MRPL37: variants seen among roughly 807,000 people sequenced by gnomAD.
The protein encoded by MRPL37 is mitochondrial ribosomal protein L37.
In MRPL37, 34 loss-of-function variants were observed where a neutral mutation model predicts 44.1. That is an observed-to-expected ratio of 0.77 (90% CI 0.59 to 1.03). The LOEUF (loss-of-function observed/expected upper bound fraction) is 1.03. Ranked by LOEUF, MRPL37 falls within the 50% of genes least tolerant of loss-of-function variation. The pLI is 0.00. For missense variants in MRPL37, 532 were observed against 543.7 expected (o/e 0.98, Z 0.21); for synonymous variants, 212 against 219.5 (o/e 0.97, Z 0.30).
intron 1 of MRPL37, among the ~76,000 whole-genome samples, chr1:54,200,876 C>T (rs1164580069): frequency 6.6e-6 from 1 of 152,218 alleles, no homozygotes; most frequent in Admixed American, 6.5e-5. Context: ...GGCTGGCCAT[C>T]CTGGGCCTCT....
chr1:54,204,916 C>A, intron 1 of MRPL37, 102 bp from the exon 2 acceptor site: 2 of 1,357,648 alleles, frequency 1.5e-6, no homozygotes, highest in South Asian at 1.4e-5. Context: ...CAGTTTCTCA[C>A]TTGAGGCAGC....
At chr1:54,215,110 A>G (rs1644188757) in intron 5 of MRPL37, among the ~76,000 whole-genome samples, 1 of 152,192 alleles carries the variant, frequency 6.6e-6, no homozygotes, top group Non-Finnish European at 1.5e-5. Flanking sequence ...GATTGCTGCA[A>G]AGTCTCAGCA....
chr1:54,218,431 T>C, downstream of MRPL37: 1 of 1,439,232 alleles, frequency 6.9e-7, no homozygotes, highest in African/African-American at 1.4e-5. Flanking sequence ...CCCACACAAG[T>C]CCAAGCCCTG....
At chr1:54,223,725 C>A (rs772808017), downstream of MRPL37, among the ~76,000 whole-genome samples, 1 of 152,184 alleles carries the variant, frequency 6.6e-6, no homozygotes, top group African/African-American at 2.4e-5. Context: ...TGTGGTCTGG[C>A]CCCCGACTCC....
Position 54,200,355 on chromosome 1 carries a change from A to C in MRPL37, c.112A>C (p.Thr38Pro), listed in dbSNP as rs758617382. Residue 38 changes from threonine to proline, a missense_variant, in exon 1 of 7, where the codon ACG (threonine) becomes CCG (proline). Transcript: ENST00000360840. Reference sequence around the variant, plus strand: ...GGCGTATGAGTGGGGCGTGCGCTCCACGCGGAAGTCGGAGCCTCCTCCCCT... The same window carrying C: ...GGCGTATGAGTGGGGCGTGCGCTCCCCGCGGAAGTCGGAGCCTCCTCCCCT... ...RGAYEWGVRS[T>P]RKSEPPPLDR... The C allele has an allele frequency of 6.2e-7, 1 of 1,614,012 alleles. No homozygotes were observed. The highest frequency in any genetic ancestry group is 1.3e-5 in the African/African-American group (1 of 74,946).
At chr1:54,220,831 T>C (rs373209247), downstream of MRPL37, 3 of 467,872 alleles carry the variant, frequency 6.4e-6, no homozygotes, top group East Asian at 2.1e-4. Context: ...CGAGAGGAAC[T>C]TCCAGCAGCA....
intron 3 of MRPL37, among the ~76,000 whole-genome samples, chr1:54,209,277 G>A (rs567109905): frequency 1.3e-5 from 2 of 152,202 alleles, no homozygotes; most frequent in African/African-American, 4.8e-5. Flanking sequence ...TTACTAGGAA[G>A]GGAACACAGG....
chr1:54,222,019 G>A (rs947259709), downstream of MRPL37, among the ~76,000 whole-genome samples: 10 of 152,218 alleles, frequency 6.6e-5, no homozygotes, highest in African/African-American at 2.2e-4. Context: ...ACACCTGGGC[G>A]CCTACCCACC....
downstream of MRPL37, among the ~76,000 whole-genome samples, chr1:54,223,083 C>T (rs896613577): frequency 6.6e-6 from 1 of 152,238 alleles, no homozygotes; most frequent in Non-Finnish European, 1.5e-5. Context: ...GGTTCTGCGG[C>T]TCCGCAGGCA....
downstream of MRPL37, among the ~76,000 whole-genome samples, chr1:54,219,797 C>T (rs1204546159): frequency 6.6e-6 from 1 of 152,232 alleles, no homozygotes; most frequent in Non-Finnish European, 1.5e-5. Flanking sequence ...ATATACATGA[C>T]TGAAGAGTCA....
chr1:54,211,273 C>G (rs1206942708), intron 4 of MRPL37, among the ~76,000 whole-genome samples: 1 of 152,146 alleles, frequency 6.6e-6, no homozygotes, highest in Non-Finnish European at 1.5e-5. Flanking sequence ...CAGATATGGT[C>G]AGTTTTCCTG....
intron 4 of MRPL37, among the ~76,000 whole-genome samples, chr1:54,212,186 G>T (rs1205826809): frequency 6.6e-6 from 1 of 152,222 alleles, no homozygotes; most frequent in East Asian, 1.9e-4. Flanking sequence ...GGCATTTTCT[G>T]TGAAGAGTCA....
downstream of MRPL37, chr1:54,221,035 C>A: frequency 5.6e-6 from 2 of 355,526 alleles, no homozygotes; most frequent in South Asian, 4.3e-5. Flanking sequence ...CTGTCAGATC[C>A]TCCACTTCCT....
At chr1:54,203,982 CTG>C (rs1644103504) in intron 1 of MRPL37, among the ~76,000 whole-genome samples, 1 of 152,202 alleles carries the variant, frequency 6.6e-6, no homozygotes, top group African/African-American at 2.4e-5. Context: ...GTGAGAGAGA[CTG>C]TGACCCAGAA....
rs1256552701 is a variant in MRPL37 at position 54,200,292 on chromosome 1, C to T, written c.49C>T (p.Gln17Ter). Residue 17 changes from glutamine (Q) to a stop codon, truncating the protein, a stop_gained, in exon 1 of 7, where the codon CAG becomes TAG. Coordinates refer to ENST00000360840, the MANE Select transcript of MRPL37 (RefSeq NM_016491.4). LOFTEE classifies it high-confidence loss of function. ...AAGGCGGGCGCTAGCTGGCTCCGGG[C>T]AGCTCGGCCTTGGGGGCTTCGGGGC... The part of the protein sequence containing the change: ...PARRALAGSG[Q>*]LGLGGFGAPR... 1.2e-6 allele frequency: 2 copies of T among 1,609,292 alleles called. No individual in the cohort carries two copies. The highest frequency in any genetic ancestry group is 1.7e-6 in the Non-Finnish European group (2 of 1,178,128).
rs751533561 is a variant in MRPL37 at position 54,218,269 on chromosome 1, C to T, written c.*20C>T. 28 of 1,614,032 alleles carry T rather than the reference C, an allele frequency of 1.7e-5. No homozygotes were observed. The highest frequency in any genetic ancestry group is 2.1e-5 in the Non-Finnish European group (25 of 1,180,034). ...GCGTGAGCGGAGGACCCCTCTGAATCCTGAAACCCCTCTTGCCTCTCTTCC... is the reference window on the plus strand; with the variant it reads ...GCGTGAGCGGAGGACCCCTCTGAATTCTGAAACCCCTCTTGCCTCTCTTCC... On this transcript the variant is annotated 3_prime_UTR_variant, in exon 7 of 7. Coordinates refer to ENST00000360840, the MANE Select transcript of MRPL37 (RefSeq NM_016491.4).
intron 1 of MRPL37, among the ~76,000 whole-genome samples, chr1:54,204,684 A>C (rs2100502264): frequency 6.6e-6 from 1 of 152,290 alleles, no homozygotes; most frequent in South Asian, 2.1e-4. Context: ...TCAATTTAGT[A>C]CCATAGCCTA....
intron 5 of MRPL37, among the ~76,000 whole-genome samples, chr1:54,213,126 G>A (rs1360145875): frequency 6.6e-6 from 1 of 152,200 alleles, no homozygotes; most frequent in Non-Finnish European, 1.5e-5. Flanking sequence ...AACTCAGGAT[G>A]GGTGCTGGGG....
Position 54,200,533 on chromosome 1 carries a change from C to A in MRPL37, c.290C>A (p.Pro97Gln). ...FYRSPPLHEH[P>Q]LYKDQACYIF... is the part of the protein sequence containing the mutation. ...CGCTCGCCCCCTCTTCACGAGCATC[C>A]GCTGTACAAAGACCAGGCCTGCTAT... The change falls in exon 1 of 7, where the codon CCG (proline) becomes CAG (glutamine). Residue 97 changes from proline (P) to glutamine (Q), a missense_variant. Physicochemically the swap from Pro to Gln is moderately conservative, Grantham distance 76. Transcript: ENST00000360840. 6.2e-7 allele frequency: 1 copy of A among 1,613,890 alleles called. No homozygotes were observed.
Sources: allele counts gnomAD v4.1 joint callset (sites outside exome capture counted in the v4.1 genomes callset), GRCh38; gene constraint gnomAD v4.1.1; transcripts MANE v1.5; gene names NCBI Gene and HGNC (gene_info 2026-07-23, HGNC 2026-07-21).